SLC9C1: variants seen among roughly 807,000 people sequenced by gnomAD.
SLC9C1 encodes solute carrier family 9 member C1, also known as sodium/hydrogen exchanger 10.
Under a neutral mutation model 140.9 loss-of-function variants are expected in SLC9C1, and 97 were observed. The observed-to-expected ratio is 0.69, with a 90% CI of 0.58 to 0.82. The LOEUF (loss-of-function observed/expected upper bound fraction) is 0.82. SLC9C1 is among the 40% of genes least tolerant of loss of function. The probability of loss-of-function intolerance (pLI) is 0.00; values close to 1 mark genes in which losing one functional copy is unlikely to be tolerated. For missense variants in SLC9C1, 1,340 were observed against 1,389.3 expected, an observed-to-expected ratio of 0.96 and a Z score of 0.56; for synonymous variants, 440 against 442.6, an observed-to-expected ratio of 0.99 and a Z score of 0.07.
chr3:112,238,508 G>A (rs13078783), intron 12 of SLC9C1, among the ~76,000 whole-genome samples: 44,991 of 152,018 alleles, frequency 0.3, 7,194 homozygotes, highest in East Asian at 0.43. Context: ...GAGGAGCTGC[G>A]TTCCTTTGGA....
At chr3:112,247,959 C>T (rs1010403064) in intron 10 of SLC9C1, among the ~76,000 whole-genome samples, 6 of 151,688 alleles carry the variant, frequency 4.0e-5, no homozygotes, top group African/African-American at 1.2e-4. Context: ...ATGGACTAGA[C>T]GTATTGACTC....
chr3:112,161,453 T>C (rs2075296529), intron 26 of SLC9C1, among the ~76,000 whole-genome samples: 1 of 152,174 alleles, frequency 6.6e-6, no homozygotes, highest in African/African-American at 2.4e-5. Flanking sequence ...TTGTATAAGG[T>C]GTAAGGAAGG....
chr3:112,162,622 C>T (rs1228509829), intron 26 of SLC9C1, among the ~76,000 whole-genome samples: 2 of 152,120 alleles, frequency 1.3e-5, no homozygotes, highest in Non-Finnish European at 2.9e-5. Flanking sequence ...GGATGAAGCC[C>T]ACTTGACCAT....
chr3:112,200,406 G>C (rs1032619228), intron 19 of SLC9C1, among the ~76,000 whole-genome samples: 1 of 152,034 alleles, frequency 6.6e-6, no homozygotes, highest in South Asian at 2.1e-4. Flanking sequence ...ATGTATTTCT[G>C]GTTTGGAAAA....
intron 1 of SLC9C1, among the ~76,000 whole-genome samples, chr3:112,290,974 A>T (rs770697432): frequency 3.3e-5 from 5 of 152,094 alleles, no homozygotes; most frequent in Non-Finnish European, 7.4e-5. Context: ...ACAGCATACC[A>T]TAGGGTCTGG....
chr3:112,181,420 G>A (rs1037693690), intron 21 of SLC9C1, among the ~76,000 whole-genome samples: 3 of 151,902 alleles, frequency 2.0e-5, no homozygotes, highest in Non-Finnish European at 2.9e-5. Flanking sequence ...AAATATAATT[G>A]GTCTTTTGAC....
At chr3:112,276,155 GCCA>G (rs1476502823) in intron 5 of SLC9C1, among the ~76,000 whole-genome samples, 2 of 152,062 alleles carry the variant, frequency 1.3e-5, no homozygotes, top group African/African-American at 4.8e-5. Context: ...TGTTGTTTAA[GCCA>G]CCACATTTGG....
chr3:112,256,945 T>A (rs1239217781), intron 10 of SLC9C1, among the ~76,000 whole-genome samples: 5 of 152,148 alleles, frequency 3.3e-5, no homozygotes, highest in Non-Finnish European at 2.9e-5. Context: ...AAATCAAGAA[T>A]TCAATCCCAT....
At chr3:112,144,785 A>C (rs2074736973) in intron 28 of SLC9C1, among the ~76,000 whole-genome samples, 1 of 152,178 alleles carries the variant, frequency 6.6e-6, no homozygotes, top group Admixed American at 6.5e-5. Flanking sequence ...ATTTTTGTAC[A>C]TTGATTCTGC....
At chr3:112,176,376 T>C (rs1282411412) in intron 23 of SLC9C1, among the ~76,000 whole-genome samples, 6 of 152,218 alleles carry the variant, frequency 3.9e-5, no homozygotes, top group African/African-American at 9.6e-5. Flanking sequence ...GAAAGTGCTA[T>C]GTTTACTTGC....
intron 12 of SLC9C1, among the ~76,000 whole-genome samples, chr3:112,234,556 C>T (rs2078929911): frequency 6.6e-6 from 1 of 152,080 alleles, no homozygotes. Context: ...CTTGCCCATG[C>T]CTATGTCCTG....
chr3:112,182,374 C>G, intron 20 of SLC9C1, 116 bp from the exon 21 acceptor site: 1 of 1,139,090 alleles, frequency 8.8e-7, no homozygotes, highest in Middle Eastern at 2.2e-4. Context: ...TTTCTTCTTC[C>G]ATGAACATTT....
intron 10 of SLC9C1, among the ~76,000 whole-genome samples, chr3:112,261,138 G>A (rs181566044): frequency 1.5e-4 from 23 of 152,134 alleles, no homozygotes; most frequent in African/African-American, 4.6e-4. Context: ...ACCAGGCAAT[G>A]TCCCTTATCC....
chr3:112,273,569 A>G (rs1476473263), intron 6 of SLC9C1, among the ~76,000 whole-genome samples: 2 of 152,020 alleles, frequency 1.3e-5, no homozygotes, highest in African/African-American at 4.8e-5. Flanking sequence ...GGGAGGGGTG[A>G]GGGGGTGGTG....
chr3:112,244,694 G>C (rs2079231235), intron 10 of SLC9C1, among the ~76,000 whole-genome samples: 1 of 152,100 alleles, frequency 6.6e-6, no homozygotes, highest in Non-Finnish European at 1.5e-5. Flanking sequence ...TTCAATCTGA[G>C]GCTACACATT....
At chr3:112,292,369 CT>C (rs2080708788) in intron 1 of SLC9C1, among the ~76,000 whole-genome samples, 1 of 152,136 alleles carries the variant, frequency 6.6e-6, no homozygotes, top group South Asian at 2.1e-4. Flanking sequence ...ATCTCTCTGG[CT>C]ATGCATATGT....
intron 28 of SLC9C1, among the ~76,000 whole-genome samples, chr3:112,141,853 C>CAA (rs2074634964): frequency 6.6e-6 from 1 of 151,944 alleles, no homozygotes; most frequent in South Asian, 2.1e-4. Flanking sequence ...TTTTCTAGAC[C>CAA]CTTTTCATGT....
At chr3:112,175,734 T>C (rs1211930840) in intron 23 of SLC9C1, among the ~76,000 whole-genome samples, 1 of 152,196 alleles carries the variant, frequency 6.6e-6, no homozygotes, top group African/African-American at 2.4e-5. Context: ...TGCTTCTCCA[T>C]AGTACTGCTG....
At chr3:112,293,007 G>A (rs2080731260) in intron 1 of SLC9C1, among the ~76,000 whole-genome samples, 1 of 149,088 alleles carries the variant, frequency 6.7e-6, no homozygotes, top group Non-Finnish European at 1.5e-5. Flanking sequence ...AGTGGCTCAC[G>A]CCTGTAATCC....
Sources: gnomAD v4.1 joint callset for allele counts (sites outside exome capture counted in the v4.1 genomes callset) on GRCh38, gnomAD v4.1.1 for gene constraint, MANE v1.5 for transcripts, NCBI Gene and HGNC (gene_info 2026-07-23, HGNC 2026-07-21) for gene names.